Variants in MAMDC4 observed in about 807,000 individuals in gnomAD.
MAMDC4 encodes the protein apical endosomal glycoprotein.
In MAMDC4, 168 loss-of-function variants were observed where a neutral mutation model predicts 153.3. That is an observed-to-expected ratio of 1.10 (90% CI 0.97 to 1.25). The LOEUF (loss-of-function observed/expected upper bound fraction) is 1.25. Ranked by LOEUF, MAMDC4 falls within the 50% of genes most tolerant of loss-of-function variation. The pLI, the probability that MAMDC4 is intolerant of heterozygous loss-of-function variation, is 0.00. For synonymous variants in MAMDC4, 744 were observed against 651.5 expected (o/e 1.14, Z -2.16); for missense variants, 1,701 against 1,542.8 (o/e 1.10, Z -1.72).
Position 136,854,548 on chromosome 9 carries a change from T to A in MAMDC4, c.806T>A (p.Ile269Lys), listed in dbSNP as rs970668468. The stretch of plus-strand genomic sequence containing the variant: ...CCACCTCCTGCCCTAGGCCGCCACA[T>A]AGCCACCGACTTTGAGACAGGCCTG... ...DENPLTCGRH[I>K]ATDFETGLGP... The change falls in exon 8 of 27, where the codon ATA (isoleucine) becomes AAA (lysine). Residue 269 changes from isoleucine to lysine, a missense_variant. Coordinates refer to ENST00000317446, the MANE Select transcript of MAMDC4 (RefSeq NM_206920.3). 3.1e-6 allele frequency: 5 copies of A among 1,605,424 alleles called. No individual in the cohort carries two copies. The highest frequency in any genetic ancestry group is 2.3e-5 in the East Asian group (1 of 44,340).
intron 10 of MAMDC4, 58 bp downstream of exon 10, chr9:136,855,168 A>AC: frequency 6.4e-7 from 1 of 1,570,978 alleles, no homozygotes; most frequent in Non-Finnish European, 8.6e-7. Flanking sequence ...GGGGAGGGGA[A>AC]CCCACAAGGT....
Position 136,857,317 on chromosome 9 carries a change from G to T in MAMDC4, c.2106+19G>T, listed in dbSNP as rs1283178481. On this transcript the variant is annotated intron_variant, in intron 17 of 26. Coordinates refer to ENST00000317446, the MANE Select transcript of MAMDC4 (RefSeq NM_206920.3). ...GTACCAGGTGAGGCCTGGCACCCGG[G>T]TGGGAGGACAGGGCAGGGCCCCTGG... 1 of 1,606,854 alleles carries T rather than the reference G, an allele frequency of 6.2e-7. No individual in the cohort carries two copies. Among genetic ancestry groups the T allele is most frequent in the Non-Finnish European group, 8.5e-7 (1 of 1,177,924 alleles).
In MAMDC4 at chr9:136,858,759, G is replaced by C. The variant is rs955773379; in HGVS notation, c.2862G>C (p.Gly954=). 2 of 1,611,098 alleles carry C rather than the reference G, an allele frequency of 1.2e-6. No homozygotes were observed. The highest frequency in any genetic ancestry group is 1.1e-5 in the South Asian group (1 of 91,020). ...TTGAAACTGGCGTGCTGGGCCCCGG[G>C]GGCCGGGCCGCCTGGCTGCGCAGCG... ...AFFETGVLGP[G]GRAAWLRSEP... is the part of the protein sequence containing the mutation. The change falls in exon 23 of 27, where the codon GGG becomes GGC. Residue 954 remains glycine, a synonymous_variant. Coordinates refer to ENST00000317446, the MANE Select transcript of MAMDC4 (RefSeq NM_206920.3).
rs1478726270 is a variant in MAMDC4, at chr9:136,858,725, T to C, written c.2828T>C (p.Phe943Ser). 2 of 1,612,092 alleles carry C rather than the reference T, an allele frequency of 1.2e-6. No homozygotes were observed. Among genetic ancestry groups the C allele is most frequent in the Admixed American group, 1.7e-5 (1 of 59,812 alleles). The change falls in exon 23 of 27, where the codon TTT (phenylalanine) becomes TCT (serine). Residue 943 changes from phenylalanine to serine, a missense_variant. By Grantham distance (155) the Phe-to-Ser change is radical (BLOSUM62 -2). Transcript: ENST00000317446. ...DHTLGTEAGH[F>S]AFFETGVLGP... ...AGCCTCCTCTTGTTCCCAGGCCACT[T>C]TGCCTTCTTTGAAACTGGCGTGCTG...
chr9:136,858,987 C>A lies in MAMDC4; in HGVS notation c.2957-18C>A. ...GCCCCAGGACCCCAGGCCTGACACG[C>A]CCTGGCCCTGCTCTCAGACAAGGGG... is the stretch of plus-strand genomic sequence containing the variant. On this transcript the variant is annotated intron_variant, in intron 23 of 26. Coordinates refer to ENST00000317446, the MANE Select transcript of MAMDC4 (RefSeq NM_206920.3). 6.6e-7 allele frequency: 1 copy of A among 1,511,964 alleles called. No individual in the cohort carries two copies. Among genetic ancestry groups the A allele is most frequent in the Non-Finnish European group, 8.9e-7 (1 of 1,127,256 alleles). 93.7% of individuals were successfully genotyped at this position (1,511,964 alleles called of 1,614,324 possible).
At position 136,858,257 on chromosome 9, in the gene MAMDC4, C is replaced by CGGGCCCTGCCCTCAGCCAGGTGG. The variant is rs1451957754; in HGVS notation, c.2657_2674+5dup. Reference sequence around the variant, plus strand: ...CTCTGGATGATCTGCTCCTCCAGGACGGGCCCTGCCCTCAGCCAGGTGGGA... The same window carrying CGGGCCCTGCCCTCAGCCAGGTGG: ...CTCTGGATGATCTGCTCCTCCAGGACGGGCCCTGCCCTCAGCCAGGTGGGGGCCCTGCCCTCAGCCAGGTGGGA... On this transcript the variant is annotated frameshift_variant, in exon 21 of 27. Transcript: ENST00000317446. LOFTEE classifies it high-confidence loss of function. 9.4e-6 allele frequency: 15 copies of CGGGCCCTGCCCTCAGCCAGGTGG among 1,601,402 alleles called. No homozygotes were observed. Among genetic ancestry groups the CGGGCCCTGCCCTCAGCCAGGTGG allele is most frequent in the Non-Finnish European group, 8.5e-7 (1 of 1,178,796 alleles).
In MAMDC4 at chr9:136,853,654, C is replaced by T. The variant is rs1477416126; in HGVS notation, c.438C>T (p.Tyr146=). 4 of 1,611,858 alleles carry T rather than the reference C, an allele frequency of 2.5e-6. No homozygotes were observed. Among genetic ancestry groups the T allele is most frequent in the East Asian group, 2.2e-5 (1 of 44,836 alleles). The change falls in exon 4 of 27, where the codon TAC becomes TAT. Residue 146 remains tyrosine (Y), a synonymous_variant. Coordinates refer to ENST00000317446, the MANE Select transcript of MAMDC4 (RefSeq NM_206920.3). Reference sequence around the variant, plus strand: ...CCTCTTGCAAGCTGAGGCTCTGGTACCACGCGGCCTCTGGAGGTGCACCCT... The same window carrying T: ...CCTCTTGCAAGCTGAGGCTCTGGTATCACGCGGCCTCTGGAGGTGCACCCT... ...AASSCKLRLW[Y]HAASGDVAEL...
rs141308734 is a variant in MAMDC4 at position 136,852,644 on chromosome 9, G to A, written c.46+182G>A. 8.3e-4 allele frequency among the ~76,000 whole-genome samples: 127 copies of A among 152,274 alleles called. 1 individual carries two copies. Among genetic ancestry groups the A allele is most frequent in the African/African-American group, 1.5e-3 (61 of 41,556 alleles). The stretch of plus-strand genomic sequence containing the variant: ...CCTGGAATCAGCCCATGGGGTCCTC[G>A]GGCCTGCCAAGCAAAGGAAGAGGCA... On this transcript the variant is annotated intron_variant, in intron 1 of 26. Transcript: ENST00000317446.
rs764605886 is a variant in MAMDC4 at position 136,857,404 on chromosome 9, C to G, written c.2144C>G (p.Thr715Ser). ...GGCCTCCGGGACGGATACCACGGCA[C>G]CATGGCGCTGGACGATGTGGCCGTG... ...FEGLRDGYHG[T>S]MALDDVAVRP... is the part of the protein sequence containing the mutation. The change falls in exon 18 of 27, where the codon ACC becomes AGC. Residue 715 changes from threonine (T) to serine (S), a missense_variant. By Grantham distance (58) the Thr-to-Ser change is moderately conservative. Transcript: ENST00000317446. The G allele has an allele frequency of 6.2e-7, 1 of 1,608,268 alleles. No individual in the cohort carries two copies. The highest frequency in any genetic ancestry group is 1.1e-5 in the South Asian group (1 of 91,074).
chr9:136,853,294 G>A lies in MAMDC4; in HGVS notation c.164G>A (p.Gly55Glu). 6.2e-7 allele frequency: 1 copy of A among 1,603,338 alleles called. No individual in the cohort carries two copies. Among genetic ancestry groups the A allele is most frequent in the African/African-American group, 1.3e-5 (1 of 74,902 alleles). Residue 55 changes from glycine (G) to glutamate (E), a missense_variant, in exon 3 of 27, where the codon GGG becomes GAG. Transcript: ENST00000317446. ...CSDEAQCGYH[G>E]ASPTLGAPFA... ...CCACCCACTCTCCCAGGTTACCACG[G>A]GGCCTCGCCCACCCTGGGCGCCCCC...
In MAMDC4 at chr9:136,858,095, A is replaced by G; in HGVS notation, c.2581A>G (p.Arg861Gly). 1 of 1,533,088 alleles carries G rather than the reference A, an allele frequency of 6.5e-7. No individual in the cohort carries two copies. Among genetic ancestry groups the G allele is most frequent in the Non-Finnish European group, 8.8e-7 (1 of 1,141,236 alleles). 95.0% of individuals were successfully genotyped at this position (1,533,088 alleles called of 1,614,324 possible). The change falls in exon 20 of 27, where the codon AGG (arginine) becomes GGG (glycine). Residue 861 changes from arginine to glycine, a missense_variant and splice_region_variant. Transcript: ENST00000317446. ...GGACGTGCAGGCCGAGCGAGCCTGG[A>G]GGGTGAGTGCAGGGTGGGGTGCCCC... ...SMDVQAERAW[R>G]VVFEAVAAGV... is the part of the protein sequence containing the mutation.
chr9:136,857,168 C>G lies in MAMDC4; in HGVS notation c.1976C>G (p.Thr659Ser). ...TGGACTGGTCCCCTCCCTGCAGGGACTCTGCGCCTAGCCATGAGACGGGAA... is the reference window on the plus strand; with the variant it reads ...TGGACTGGTCCCCTCCCTGCAGGGAGTCTGCGCCTAGCCATGAGACGGGAA... ...WYHLHGPQIGTLRLAMRREGE... is the reference protein window; with the variant it reads ...WYHLHGPQIGSLRLAMRREGE... Residue 659 changes from threonine to serine, a missense_variant, in exon 17 of 27, where the codon ACT becomes AGT. Physicochemically the swap from Thr to Ser is moderately conservative, Grantham distance 58. Transcript: ENST00000317446. 4 of 1,612,460 alleles carry G rather than the reference C, an allele frequency of 2.5e-6. No homozygotes were observed. Among genetic ancestry groups the G allele is most frequent in the Non-Finnish European group, 3.4e-6 (4 of 1,179,832 alleles).
chr9:136,858,079 G>C lies in MAMDC4; in HGVS notation c.2565G>C (p.Gln855His), dbSNP rs1392319601. ...LAWRLGSMDV[Q>H]AERAWRVVFE... is the part of the protein sequence containing the mutation. ...GGCGCCTGGGCAGCATGGACGTGCA[G>C]GCCGAGCGAGCCTGGAGGGTGAGTG... The change falls in exon 20 of 27, where the codon CAG becomes CAC. Residue 855 changes from glutamine to histidine, a missense_variant. Transcript: ENST00000317446. The C allele has an allele frequency of 1.3e-6, 2 of 1,532,014 alleles. No individual in the cohort carries two copies. The highest frequency in any genetic ancestry group is 2.4e-5 in the South Asian group (2 of 83,620). 94.9% of individuals were successfully genotyped at this position (1,532,014 alleles called of 1,614,324 possible). A position where few individuals can be genotyped will look rare whatever the true frequency, so the allele number is the denominator to read the frequency against.
chr9:136,856,419 C>T (rs368769733), intron 14 of MAMDC4: 149 of 790,420 alleles, frequency 1.9e-4, no homozygotes, highest in Non-Finnish European at 2.9e-4. Context: ...TCCGCTGGAG[C>T]GGGCCCTGAC....
At chr9:136,859,793 C>A in intron 25 of MAMDC4, 93 bp from the exon 26 acceptor site, 1 of 1,371,508 alleles carries the variant, frequency 7.3e-7, no homozygotes, top group South Asian at 1.3e-5. Flanking sequence ...CAGGAGCCAG[C>A]AGAGGCTGAG....
rs759733012 is a variant in MAMDC4, at chr9:136,857,354, C to A, written c.2107-13C>A. 6.2e-7 allele frequency: 1 copy of A among 1,608,316 alleles called. No individual in the cohort carries two copies. The highest frequency in any genetic ancestry group is 8.5e-7 in the Non-Finnish European group (1 of 1,179,304). ...GGCAGGGCCCCTGGCCAGCTGACAC[C>A]CTCCACCCCCAGCTGCTGTTCGAGG... is the stretch of plus-strand genomic sequence containing the variant. On this transcript the variant is annotated splice_polypyrimidine_tract_variant and intron_variant, in intron 17 of 26. Coordinates refer to ENST00000317446, the MANE Select transcript of MAMDC4 (RefSeq NM_206920.3).
Position 136,859,256 on chromosome 9 carries a change from T to G in MAMDC4, c.3132T>G (p.Ile1044Met). The change falls in exon 25 of 27, where the codon ATT (isoleucine) becomes ATG (methionine). Residue 1044 changes from isoleucine (I) to methionine (M), a missense_variant. Coordinates refer to ENST00000317446, the MANE Select transcript of MAMDC4 (RefSeq NM_206920.3). ...GCGGCCAGCCAGCCCTGGGGCCCAT[T>G]GCCCTGGATGACGTGGAGTATCTGG... ...TLGGQPALGP[I>M]ALDDVEYLAG... is the part of the protein sequence containing the mutation. 6.2e-7 allele frequency: 1 copy of G among 1,612,100 alleles called. No homozygotes were observed. The highest frequency in any genetic ancestry group is 1.1e-5 in the South Asian group (1 of 90,988).
intron 14 of MAMDC4, 169 bp downstream of exon 14, chr9:136,856,318 C>G: frequency 1.8e-6 from 2 of 1,117,330 alleles, no homozygotes; most frequent in Non-Finnish European, 2.7e-6. Flanking sequence ...AGGCCCTGAG[C>G]AGCAGTGCAG....
intron 1 of MAMDC4, among the ~76,000 whole-genome samples, chr9:136,852,844 CCTG>C (rs992691823): frequency 8.5e-5 from 13 of 152,210 alleles, no homozygotes; most frequent in Non-Finnish European, 1.9e-4. Flanking sequence ...ACTCTGGGTT[CCTG>C]CTACCTTTCT....
Sources: gnomAD v4.1 joint callset for allele counts (sites outside exome capture counted in the v4.1 genomes callset) on GRCh38, gnomAD v4.1.1 for gene constraint, MANE v1.5 for transcripts, NCBI Gene and HGNC (gene_info 2026-07-23, HGNC 2026-07-21) for gene names.